ZNF33B: variants seen among roughly 807,000 people sequenced by gnomAD.
ZNF33B encodes the protein zinc finger protein 11b (KOX 2).
ZNF33B carries 29 observed loss-of-function variants against 45.8 expected under a neutral mutation model. That is an observed-to-expected ratio of 0.63 (90% CI 0.47 to 0.86). ZNF33B has a LOEUF of 0.86. ZNF33B is among the 40% of genes least tolerant of loss of function. The pLI, the probability that ZNF33B is intolerant of heterozygous loss-of-function variation, is 0.00. For synonymous variants in ZNF33B, 305 were observed against 307.8 expected (o/e 0.99, Z 0.10); for missense variants, 831 against 909.9 (o/e 0.91, Z 1.12).
At chr10:42,597,513 T>A (rs1310577712) in intron 4 of ZNF33B, among the ~76,000 whole-genome samples, 1 of 152,126 alleles carries the variant, frequency 6.6e-6, no homozygotes, top group Non-Finnish European at 1.5e-5. Context: ...AATTCATTTA[T>A]TAAGTCATCG....
chr10:42,608,616 C>CA (rs1243516588), intron 4 of ZNF33B, among the ~76,000 whole-genome samples: 1 of 151,950 alleles, frequency 6.6e-6, no homozygotes, highest in African/African-American at 2.4e-5. Flanking sequence ...AAGACATACT[C>CA]AAACTTATGG....
chr10:42,626,416 GCAGTGGCT>G (rs1443068894), intron 4 of ZNF33B, among the ~76,000 whole-genome samples: 2 of 152,072 alleles, frequency 1.3e-5, no homozygotes, highest in African/African-American at 4.8e-5. Flanking sequence ...TTGGCCAGGC[GCAGTGGCT>G]CATGCCTGTA....
chr10:42,614,621 A>G (rs185896012), intron 4 of ZNF33B, among the ~76,000 whole-genome samples: 1 of 152,340 alleles, frequency 6.6e-6, no homozygotes, highest in East Asian at 1.9e-4. Flanking sequence ...TTTTAAATAG[A>G]CAAAGGAGAT....
At chr10:42,586,959 T>C (rs74137905), downstream of ZNF33B, among the ~76,000 whole-genome samples, 5,200 of 151,768 alleles carry the variant, frequency 0.034, 280 homozygotes, top group African/African-American at 0.12. Flanking sequence ...GAGTATCCAG[T>C]AGGGACAAGG....
chr10:42,616,942 C>A (rs1044714361), intron 4 of ZNF33B, among the ~76,000 whole-genome samples: 11 of 152,072 alleles, frequency 7.2e-5, no homozygotes, highest in Admixed American at 2.6e-4. Flanking sequence ...GATCTGCACA[C>A]CTCAGCCTCC....
Position 42,589,256 on chromosome 10 carries a change from C to G in ZNF33B, c.*3357G>C, listed in dbSNP as rs1305378905. The G allele has an allele frequency of 2.0e-5, 3 of 152,208 alleles. No individual in the cohort carries two copies. Among genetic ancestry groups the G allele is most frequent in the Admixed American group, 6.5e-5 (1 of 15,280 alleles). 9.4% of individuals were successfully genotyped at this position (152,208 alleles called of 1,614,324 possible). A position where few individuals can be genotyped will look rare whatever the true frequency, so the allele number is the denominator to read the frequency against. Reference sequence around the variant, plus strand: ...CCTCCACAGGCTCCCCAATTATTAACATCTTGCATCATTATGGTTCATTTG... The same window carrying G: ...CCTCCACAGGCTCCCCAATTATTAAGATCTTGCATCATTATGGTTCATTTG... On this transcript the variant is annotated 3_prime_UTR_variant, in exon 5 of 5. Coordinates refer to ENST00000359467, the MANE Select transcript of ZNF33B (RefSeq NM_006955.3).
At chr10:42,624,280 T>C (rs1261915112) in intron 4 of ZNF33B, among the ~76,000 whole-genome samples, 11 of 152,182 alleles carry the variant, frequency 7.2e-5, no homozygotes, top group African/African-American at 2.7e-4. Context: ...CATATGAATT[T>C]TGGGGAGACA....
At chr10:42,631,397 G>A (rs1055026459) in intron 4 of ZNF33B, among the ~76,000 whole-genome samples, 2 of 152,072 alleles carry the variant, frequency 1.3e-5, no homozygotes, top group Admixed American at 1.3e-4. Flanking sequence ...TACAGATGGA[G>A]TTTCACCATG....
chr10:42,620,421 T>G (rs746268954), intron 4 of ZNF33B, among the ~76,000 whole-genome samples: 1 of 152,030 alleles, frequency 6.6e-6, no homozygotes, highest in Non-Finnish European at 1.5e-5. Context: ...ATTTATTTTT[T>G]AGACAGGGTC....
In ZNF33B at chr10:42,631,229, A is replaced by G. The variant is rs1839038708; in HGVS notation, c.250+700T>C. On this transcript the variant is annotated intron_variant, in intron 4 of 4. Transcript: ENST00000359467. ...ATATTTATTTACTTATTTTTGAGAC[A>G]GAGTCTCGCTCTGTCGCCCAGGCTA... Among the ~76,000 whole-genome samples, 2 of 152,114 alleles carry G rather than the reference A, an allele frequency of 1.3e-5. 1 individual carries two copies. Among genetic ancestry groups the G allele is most frequent in the South Asian group, 4.1e-4 (2 of 4,826 alleles).
At chr10:42,587,443 C>T (rs1313571582), downstream of ZNF33B, among the ~76,000 whole-genome samples, 7 of 152,118 alleles carry the variant, frequency 4.6e-5, no homozygotes, top group South Asian at 4.1e-4. Context: ...GTGATCCTCC[C>T]GCCCCAGCCT....
intron 4 of ZNF33B, among the ~76,000 whole-genome samples, chr10:42,628,756 A>G (rs1344632396): frequency 6.6e-6 from 1 of 152,130 alleles, no homozygotes; most frequent in Non-Finnish European, 1.5e-5. Flanking sequence ...AGAGAACGCC[A>G]CCGATCATAC....
intron 4 of ZNF33B, among the ~76,000 whole-genome samples, chr10:42,595,495 G>T (rs1340351697): frequency 6.6e-6 from 1 of 152,064 alleles, no homozygotes; most frequent in Non-Finnish European, 1.5e-5. Flanking sequence ...CCTTATTAAG[G>T]AATCTGTCAT....
chr10:42,604,760 T>C (rs1837767778), intron 4 of ZNF33B, among the ~76,000 whole-genome samples: 1 of 151,070 alleles, frequency 6.6e-6, no homozygotes, highest in South Asian at 2.1e-4. Flanking sequence ...CTACTAAAAA[T>C]ACAAAAAAGT....
chr10:42,621,045 G>A (rs1050509232), intron 4 of ZNF33B, among the ~76,000 whole-genome samples: 1 of 152,026 alleles, frequency 6.6e-6, no homozygotes, highest in African/African-American at 2.4e-5. Flanking sequence ...TTAGACTGAG[G>A]CTGGGCATGG....
Position 42,589,451 on chromosome 10 carries a change from C to T in ZNF33B, c.*3162G>A, listed in dbSNP as rs544120242. 1.3e-5 allele frequency: 2 copies of T among 152,316 alleles called. No homozygotes were observed. The highest frequency in any genetic ancestry group is 4.8e-5 in the African/African-American group (2 of 41,570). The allele number at this position is 152,316 out of a possible 1,614,324, so 9.4% of individuals were successfully genotyped here. On this transcript the variant is annotated 3_prime_UTR_variant, in exon 5 of 5. Transcript: ENST00000359467. Reference sequence around the variant, plus strand: ...CCTAAAAATCACCTACCTGCCATCCCTCCTTTCCCCTCAACTCTCAGCAAC... The same window carrying T: ...CCTAAAAATCACCTACCTGCCATCCTTCCTTTCCCCTCAACTCTCAGCAAC...
At chr10:42,606,580 T>C (rs943331988) in intron 4 of ZNF33B, among the ~76,000 whole-genome samples, 2 of 152,112 alleles carry the variant, frequency 1.3e-5, no homozygotes, top group Non-Finnish European at 2.9e-5. Context: ...AAGGTTAGTA[T>C]ACCAAACTCT....
intron 4 of ZNF33B, among the ~76,000 whole-genome samples, chr10:42,616,556 AT>A (rs1405761550): frequency 1.3e-5 from 2 of 151,906 alleles, no homozygotes; most frequent in East Asian, 3.9e-4. Flanking sequence ...ATGTTTTATT[AT>A]TTTTTTCTTG....
At chr10:42,582,464 T>A (rs1355906913) in intron 1 of ZNF33B, 7 of 150,850 alleles carry the variant, frequency 4.6e-5, no homozygotes, top group African/African-American at 1.7e-4. Flanking sequence ...ACCTAAAGAG[T>A]GAGAGGGAGG....
Sources: allele counts gnomAD v4.1 joint callset (sites outside exome capture counted in the v4.1 genomes callset), GRCh38; gene constraint gnomAD v4.1.1; transcripts MANE v1.5; gene names NCBI Gene and HGNC (gene_info 2026-07-23, HGNC 2026-07-21).